OXA1L: variants seen among roughly 807,000 people sequenced by gnomAD.
OXA1L encodes the protein mitochondrial inner membrane protein OXA1L.
OXA1L carries 42 observed loss-of-function variants against 52.2 expected under a neutral mutation model. That is an observed-to-expected ratio of 0.80 (90% CI 0.63 to 1.04). OXA1L has a LOEUF of 1.04. Among genes scored for constraint, OXA1L ranks in the 50% least tolerant of loss-of-function variants. The probability of loss-of-function intolerance (pLI) is 0.00; values close to 1 mark genes in which losing one functional copy is unlikely to be tolerated. For synonymous variants in OXA1L, 239 were observed against 201.9 expected, an observed-to-expected ratio of 1.18 and a Z score of -1.56; for missense variants, 572 against 555.0, an observed-to-expected ratio of 1.03 and a Z score of -0.31.
chr14:22,769,689 C>A, intron 3 of OXA1L, 102 bp from the exon 4 acceptor site: 1 of 1,247,716 alleles, frequency 8.0e-7, no homozygotes, highest in South Asian at 1.3e-5. Context: ...ATAGAATGGA[C>A]AAGGCAAGAA....
In OXA1L at chr14:22,767,349, C is replaced by T; in HGVS notation, c.165C>T (p.Phe55=). The T allele has an allele frequency of 1.2e-6, 2 of 1,613,924 alleles. No individual in the cohort carries two copies. Among genetic ancestry groups the T allele is most frequent in the Middle Eastern group, 1.7e-4 (1 of 5,972 alleles). ...GCTGCTGTCGCCCACACTACCTCTT[C>T]CTTGCGGCTTCCGGCCCCCGCAGCC... ...APCCCRPHYL[F]LAASGPRSLS... is the part of the protein sequence containing the mutation. The change falls in exon 2 of 10, where the codon TTC becomes TTT. Residue 55 remains phenylalanine, a synonymous_variant. Coordinates refer to ENST00000612549, the MANE Select transcript of OXA1L (RefSeq NM_005015.5).
Position 22,772,232 on chromosome 14 carries a change from C to G in OXA1L, c.*674C>G, listed in dbSNP as rs2038476767. 1 of 117,702 alleles carries G rather than the reference C, an allele frequency of 8.5e-6. No homozygotes were observed. 7.3% of individuals were successfully genotyped at this position (117,702 alleles called of 1,614,324 possible). A position where few individuals can be genotyped will look rare whatever the true frequency, so the allele number is the denominator to read the frequency against. On this transcript the variant is annotated 3_prime_UTR_variant, in exon 10 of 10. Transcript: ENST00000612549. ...GGCGCAGTGGCTCACGCCAGTAATC[C>G]CAGCACTTTTGGGAGGCCAAGGCGG...
At chr14:22,768,936 T>A (rs2038433710) in intron 3 of OXA1L, 1 of 152,158 alleles carries the variant, frequency 6.6e-6, no homozygotes, top group Non-Finnish European at 1.5e-5. Context: ...TTTTATTTAT[T>A]TTTTTAAACG....
rs754366799 is a variant in OXA1L, at chr14:22,766,780, G to C, written c.63+16G>C. On this transcript the variant is annotated intron_variant, in intron 1 of 9. Coordinates refer to ENST00000612549, the MANE Select transcript of OXA1L (RefSeq NM_005015.5). ...CGGGCGTCGGGTAAGGATGCCCCGG[G>C]GCAGAGCACCGGGATGCTGCCCTGA... The C allele has an allele frequency of 6.2e-7, 1 of 1,613,732 alleles. No homozygotes were observed. Among genetic ancestry groups the C allele is most frequent in the African/African-American group, 1.3e-5 (1 of 74,932 alleles).
rs180723109 is a variant in OXA1L, at chr14:22,771,990, C to T, written c.*432C>T. 135 of 162,332 alleles carry T rather than the reference C, an allele frequency of 8.3e-4. No homozygotes were observed. In the East Asian group the frequency reaches 0.011, roughly 13 times the overall value. The allele number at this position is 162,332 out of a possible 1,614,324, so 10.1% of individuals were successfully genotyped here. A position where few individuals can be genotyped will look rare whatever the true frequency, so the allele number is the denominator to read the frequency against. On this transcript the variant is annotated 3_prime_UTR_variant, in exon 10 of 10. Coordinates refer to ENST00000612549, the MANE Select transcript of OXA1L (RefSeq NM_005015.5). ...GTGCACACCTGTAGTCCCAGCTACTCGGGAGGCTGAGGCAGGAGAATTGCT... is the reference window on the plus strand; with the variant it reads ...GTGCACACCTGTAGTCCCAGCTACTTGGGAGGCTGAGGCAGGAGAATTGCT...
intron 3 of OXA1L, 21 bp from the exon 4 acceptor site, chr14:22,769,770 A>G (rs768591124): frequency 6.2e-7 from 1 of 1,613,888 alleles, no homozygotes; most frequent in Non-Finnish European, 8.5e-7. Context: ...TTTCACTCCA[A>G]TCCTAGTTTG....
chr14:22,769,920 G>A lies in OXA1L; in HGVS notation c.569G>A (p.Gly190Glu). 6.2e-7 allele frequency: 1 copy of A among 1,614,202 alleles called. No homozygotes were observed. Among genetic ancestry groups the A allele is most frequent in the Non-Finnish European group, 8.5e-7 (1 of 1,180,042 alleles). ...SSRIREAKLA[G>E]DHIEYYKASS... Reference sequence around the variant, plus strand: ...CGAATCAGAGAGGCCAAGTTAGCAGGAGACCATATTGAGTGTGAGTCAGTT... The same window carrying A: ...CGAATCAGAGAGGCCAAGTTAGCAGAAGACCATATTGAGTGTGAGTCAGTT... The change falls in exon 4 of 10, where the codon GGA becomes GAA. Residue 190 changes from glycine to glutamate, a missense_variant. Coordinates refer to ENST00000612549, the MANE Select transcript of OXA1L (RefSeq NM_005015.5).
chr14:22,767,908 C>G, intron 2 of OXA1L, 50 bp from the exon 3 acceptor site: 1 of 1,428,378 alleles, frequency 7.0e-7, no homozygotes, highest in Non-Finnish European at 9.7e-7. Flanking sequence ...ATCTCACTTG[C>G]TTTGTGTTCG....
Position 22,768,004 on chromosome 14 carries a change from T to C in OXA1L, c.272T>C (p.Val91Ala). 1 of 1,614,176 alleles carries C rather than the reference T, an allele frequency of 6.2e-7. No individual in the cohort carries two copies. Among genetic ancestry groups the C allele is most frequent in the Non-Finnish European group, 8.5e-7 (1 of 1,179,992 alleles). The change falls in exon 3 of 10, where the codon GTA (valine) becomes GCA (alanine). Residue 91 changes from valine (V) to alanine (A), a missense_variant. Physicochemically the swap from Val to Ala is moderately conservative, Grantham distance 64. This residue lies in a region of OXA1L where 186 missense variants were observed against 151.8 expected (regional missense o/e 1.23). Coordinates refer to ENST00000612549, the MANE Select transcript of OXA1L (RefSeq NM_005015.5). ...VVAATPSPTA[V>A]PEVASGETAD... ...GCTGCAACTCCCTCACCCACAGCAG[T>C]ACCTGAGGTGGCTTCTGGAGAGACT...
intron 1 of OXA1L, 104 bp from the exon 2 acceptor site, chr14:22,767,144 G>C: frequency 6.5e-7 from 1 of 1,533,116 alleles, no homozygotes; most frequent in Non-Finnish European, 8.8e-7. Flanking sequence ...TGTAGTGGCC[G>C]AGCTGCCTGC....
At chr14:22,767,885 T>C in intron 2 of OXA1L, 73 bp from the exon 3 acceptor site, 1 of 1,179,736 alleles carries the variant, frequency 8.5e-7, no homozygotes. Flanking sequence ...CCAGTACTGG[T>C]TATTATAAAA....
In OXA1L at chr14:22,767,738, C is replaced by A. The variant is rs942899367; in HGVS notation, c.226-220C>A. The A allele has an allele frequency of 5.8e-6, 3 of 512,888 alleles. No homozygotes were observed. The East Asian group carries it at 9.1e-5, about 16-fold the overall frequency. 31.8% of individuals were successfully genotyped at this position (512,888 alleles called of 1,614,324 possible). The stretch of plus-strand genomic sequence containing the variant: ...AGTGATAAAAGAAATAACTTCCCAG[C>A]ATGAAGGGAAGTCATGGATTCTTAC... On this transcript the variant is annotated intron_variant, in intron 2 of 9. Coordinates refer to ENST00000612549, the MANE Select transcript of OXA1L (RefSeq NM_005015.5).
rs200367623 is a variant in OXA1L, at chr14:22,771,118, G to T, written c.1040G>T (p.Arg347Leu). 64 of 1,613,966 alleles carry T rather than the reference G, an allele frequency of 4.0e-5. No homozygotes were observed. Among genetic ancestry groups the T allele is most frequent in the Non-Finnish European group, 5.0e-5 (59 of 1,180,020 alleles). Residue 347 changes from arginine to leucine, a missense_variant, in exon 8 of 10, where the codon CGT (arginine) becomes CTT (leucine). This residue lies in a region of OXA1L where 244 missense variants were observed against 240.2 expected (regional missense o/e 1.02). Transcript: ENST00000612549. ...AVRTVLKIPQ[R>L]VVHDLDKLPP... ...CGCACTGTACTTAAAATCCCCCAGC[G>T]TGTTGTACATGACCTGGACAAATTA... is the stretch of plus-strand genomic sequence containing the variant.
chr14:22,769,690 A>T (rs1376109227), intron 3 of OXA1L, 101 bp from the exon 4 acceptor site: 15 of 1,255,676 alleles, frequency 1.2e-5, no homozygotes, highest in Non-Finnish European at 1.7e-5. Flanking sequence ...TAGAATGGAC[A>T]AGGCAAGAAT....
Position 22,771,466 on chromosome 14 carries a change from C to G in OXA1L, c.1216C>G (p.Leu406Val), listed in dbSNP as rs953550974. Residue 406 changes from leucine to valine, a missense_variant, in exon 10 of 10, where the codon CTC (leucine) becomes GTC (valine). Transcript: ENST00000612549. ...ACGACAGACCTTTACCCACAACCCT[C>G]TCCTACAACCTGGAAAGGATAACCC... Reference protein sequence around the residue: ...PLRQTFTHNPLLQPGKDNPPN... With the variant: ...PLRQTFTHNPVLQPGKDNPPN... 1.2e-6 allele frequency: 2 copies of G among 1,614,058 alleles called. No homozygotes were observed. Among genetic ancestry groups the G allele is most frequent in the Non-Finnish European group, 1.7e-6 (2 of 1,179,972 alleles).
chr14:22,768,552 T>G, intron 3 of OXA1L: 1 of 216,134 alleles, frequency 4.6e-6, no homozygotes, highest in South Asian at 7.0e-5. Context: ...ATTATGTGTC[T>G]TTCTGCCACG....
rs2038416125 is a variant in OXA1L at position 22,767,313 on chromosome 14, A to G, written c.129A>G (p.Pro43=). The change falls in exon 2 of 10, where the codon CCA becomes CCG. Residue 43 remains proline, a synonymous_variant. Transcript: ENST00000612549. ...GKPLTTRLLF[P]AAPCCCRPHY... ...CGCTGACCACACGGCTCCTATTCCC[A>G]GCAGCCCCGTGCTGCTGTCGCCCAC... The G allele has an allele frequency of 3.7e-6, 6 of 1,613,786 alleles. No individual in the cohort carries two copies. In the East Asian group the frequency reaches 1.1e-4, roughly 30 times the overall value.
Position 22,771,570 on chromosome 14 carries a change from T to G in OXA1L, c.*12T>G. The G allele has an allele frequency of 6.2e-7, 1 of 1,614,118 alleles. No homozygotes were observed. Among genetic ancestry groups the G allele is most frequent in the Non-Finnish European group, 8.5e-7 (1 of 1,179,956 alleles). ...ACACACTTGGCTGACTTATGTTCTG[T>G]GCGCATTCTGGCAGGAATTCTGTCT... On this transcript the variant is annotated 3_prime_UTR_variant, in exon 10 of 10. Transcript: ENST00000612549.
rs2038426579 is a variant in OXA1L at position 22,768,138 on chromosome 14, C to T, written c.406C>T (p.Leu136=). The T allele has an allele frequency of 4.3e-6, 7 of 1,614,036 alleles. No individual in the cohort carries two copies. Among genetic ancestry groups the T allele is most frequent in the Non-Finnish European group, 5.9e-6 (7 of 1,179,998 alleles). ...TTTACTGGAATTTATGCATGTTGATCTGGGCCTACCTTGGTGGGGGGCCAT... is the reference window on the plus strand; with the variant it reads ...TTTACTGGAATTTATGCATGTTGATTTGGGCCTACCTTGGTGGGGGGCCAT... ...QNLLEFMHVD[L]GLPWWGAIAA... Residue 136 remains leucine, a synonymous_variant, in exon 3 of 10, where the codon CTG becomes TTG. Transcript: ENST00000612549.
Sources: gnomAD v4.1 joint callset for allele counts on GRCh38, gnomAD v4.1.1 for gene constraint, gnomAD v4.1.1 regional missense constraint, MANE v1.5 for transcripts, NCBI Gene and HGNC (gene_info 2026-07-23, HGNC 2026-07-21) for gene names.